CCDC91: variants seen among roughly 807,000 people sequenced by gnomAD.
CCDC91 encodes the protein coiled-coil domain containing 91, also known as coiled-coil domain-containing protein 91.
In CCDC91, 48 loss-of-function variants were observed where a neutral mutation model predicts 63.2. The ratio of observed to expected loss-of-function variants is 0.76; its 90% CI spans 0.60 to 0.97. CCDC91 has a LOEUF of 0.97. Ranked by LOEUF, CCDC91 falls within the 50% of genes least tolerant of loss-of-function variation. The pLI is 0.00. For missense variants in CCDC91, 500 were observed against 494.6 expected, an observed-to-expected ratio of 1.01 and a Z score of -0.10; for synonymous variants, 167 against 165.8, an observed-to-expected ratio of 1.01 and a Z score of -0.06.
At chr12:28,433,100 T>C (rs1279068038) in intron 8 of CCDC91, among the ~76,000 whole-genome samples, 1 of 152,028 alleles carries the variant, frequency 6.6e-6, no homozygotes, top group East Asian at 1.9e-4. Context: ...GTTTTCTGCA[T>C]GCTTTGGAAA....
At chr12:28,398,592 A>G (rs1184229831) in intron 8 of CCDC91, among the ~76,000 whole-genome samples, 1 of 152,088 alleles carries the variant, frequency 6.6e-6, no homozygotes, top group Non-Finnish European at 1.5e-5. Context: ...AACTGCCAAA[A>G]TTTTTTCCAA....
intron 3 of CCDC91, among the ~76,000 whole-genome samples, chr12:28,275,178 G>A (rs1240384717): frequency 6.6e-6 from 1 of 152,088 alleles, no homozygotes; most frequent in East Asian, 1.9e-4. Context: ...AATGAATCCA[G>A]GAGCTGGTTT....
chr12:28,380,694 C>T (rs1414045603), intron 7 of CCDC91, among the ~76,000 whole-genome samples: 1 of 151,986 alleles, frequency 6.6e-6, no homozygotes, highest in Non-Finnish European at 1.5e-5. Flanking sequence ...TTTCTATCTT[C>T]AGTAATAATG....
intron 12 of CCDC91, among the ~76,000 whole-genome samples, chr12:28,515,066 A>C (rs777352211): frequency 2.0e-5 from 3 of 151,816 alleles, no homozygotes; most frequent in Non-Finnish European, 4.4e-5. Context: ...CAGTCTGTAG[A>C]TAGGTCAAAT....
At chr12:28,253,085 C>A (rs192794250) in intron 1 of CCDC91, among the ~76,000 whole-genome samples, 134 of 152,282 alleles carry the variant, frequency 8.8e-4, no homozygotes, top group African/African-American at 3.2e-3. Context: ...TTATGCTGTT[C>A]TGCCTGTTAT....
At chr12:28,419,347 A>T (rs1472914125) in intron 8 of CCDC91, among the ~76,000 whole-genome samples, 1 of 152,190 alleles carries the variant, frequency 6.6e-6, no homozygotes, top group Non-Finnish European at 1.5e-5. Flanking sequence ...CATAACTATC[A>T]TGACGGTAAA....
chr12:28,195,144 T>C (rs1941654049), intron 1 of CCDC91, among the ~76,000 whole-genome samples: 1 of 89,280 alleles, frequency 1.1e-5, no homozygotes, highest in Non-Finnish European at 2.8e-5. Flanking sequence ...TACAGAGTGC[T>C]GATTGGTCCG....
Position 28,289,378 on chromosome 12 carries a change from G to A in CCDC91, c.110-16271G>A, listed in dbSNP as rs181828089. Among the ~76,000 whole-genome samples, 355 of 152,144 alleles carry A rather than the reference G, an allele frequency of 2.3e-3. 2 individuals are homozygous for A. Among genetic ancestry groups the A allele is most frequent in the African/African-American group, 8.1e-3 (336 of 41,546 alleles). On this transcript the variant is annotated intron_variant, in intron 3 of 12. Coordinates refer to ENST00000536442, the MANE Select transcript of CCDC91 (RefSeq NM_018318.5). Reference sequence around the variant, plus strand: ...TGTGTCCCAGGGATTCTGGTATGTTGTATCTTTGTTCTCATTAGTTTCAAA... The same window carrying A: ...TGTGTCCCAGGGATTCTGGTATGTTATATCTTTGTTCTCATTAGTTTCAAA...
chr12:28,306,866 A>T lies in CCDC91; in HGVS notation c.392A>T (p.Asn131Ile). The change falls in exon 5 of 13, where the codon AAC becomes ATC. Residue 131 changes from asparagine to isoleucine, a missense_variant. Physicochemically the swap from Asn to Ile is moderately radical, Grantham distance 149. Coordinates refer to ENST00000536442, the MANE Select transcript of CCDC91 (RefSeq NM_018318.5). ...DSEDPGANVS[N>I]IQLQQKISSL... ...GAGGATCCTGGAGCCAATGTATCTA[A>T]CATACAGCTTCAGCAAAAAATTTCA... 6.2e-7 allele frequency: 1 copy of T among 1,612,314 alleles called. No homozygotes were observed. The highest frequency in any genetic ancestry group is 8.5e-7 in the Non-Finnish European group (1 of 1,178,768).
intron 11 of CCDC91, among the ~76,000 whole-genome samples, chr12:28,458,808 A>T (rs781114391): frequency 1.6e-4 from 25 of 152,034 alleles, no homozygotes; most frequent in Admixed American, 5.2e-4. Context: ...CAAACCTGTT[A>T]TCTTTGTCTC....
At chr12:28,374,944 A>G (rs1944852041) in intron 7 of CCDC91, among the ~76,000 whole-genome samples, 1 of 152,080 alleles carries the variant, frequency 6.6e-6, no homozygotes, top group Admixed American at 6.6e-5. Context: ...GTGATTTTAT[A>G]TAATAATTTA....
At chr12:28,215,359 T>G (rs1943496306) in intron 1 of CCDC91, among the ~76,000 whole-genome samples, 1 of 152,202 alleles carries the variant, frequency 6.6e-6, no homozygotes, top group African/African-American at 2.4e-5. Context: ...TTTATTTATA[T>G]ACACACATAT....
At position 28,417,620 on chromosome 12, in the gene CCDC91, G is replaced by GATATAT. The variant is rs34996637; in HGVS notation, c.762+26225_762+26230dup. The stretch of plus-strand genomic sequence containing the variant: ...TAAGCTGTACAACGTGAACCTTTGA[G>GATATAT]ATATATATATATATATATATACACA... On this transcript the variant is annotated intron_variant, in intron 8 of 12. Coordinates refer to ENST00000536442, the MANE Select transcript of CCDC91 (RefSeq NM_018318.5). Among the ~76,000 whole-genome samples the GATATAT allele has an allele frequency of 8.7e-3, 1,210 of 139,786 alleles. 9 individuals carry two copies. Among genetic ancestry groups the GATATAT allele is most frequent in the Non-Finnish European group, 0.013 (792 of 62,292 alleles). The allele number at this position is 139,786 out of a possible 152,430, so 91.7% of individuals were successfully genotyped here.
intron 1 of CCDC91, chr12:28,255,733 C>T (rs887017973): frequency 6.6e-6 from 1 of 152,098 alleles, no homozygotes; most frequent in African/African-American, 2.4e-5. Context: ...CAATATGTTT[C>T]TGTCTAAATA....
At position 28,447,695 on chromosome 12, in the gene CCDC91, T is replaced by G. The variant is rs376094807; in HGVS notation, c.763-2466T>G. ...GAGGATGAAGGAAGGAAGGAAGGAA[T>G]GAATAAAGAAGAATGGGAAGGGCAG... is the stretch of plus-strand genomic sequence containing the variant. On this transcript the variant is annotated intron_variant, in intron 8 of 12. Coordinates refer to ENST00000536442, the MANE Select transcript of CCDC91 (RefSeq NM_018318.5). Among the ~76,000 whole-genome samples, 62 of 121,998 alleles carry G rather than the reference T, an allele frequency of 5.1e-4. 1 individual carries two copies. Among genetic ancestry groups the G allele is most frequent in the African/African-American group, 8.9e-4 (28 of 31,392 alleles). The allele number at this position is 121,998 out of a possible 152,430, so 80.0% of individuals were successfully genotyped here.
intron 8 of CCDC91, among the ~76,000 whole-genome samples, chr12:28,442,822 A>G (rs888191013): frequency 6.6e-6 from 1 of 152,042 alleles, no homozygotes; most frequent in Non-Finnish European, 1.5e-5. Flanking sequence ...AAAGTATTTT[A>G]TGATCAAATG....
chr12:28,479,631 AT>A (rs773468929), intron 11 of CCDC91, among the ~76,000 whole-genome samples: 21 of 152,050 alleles, frequency 1.4e-4, no homozygotes, highest in Admixed American at 3.9e-4. Flanking sequence ...TATAAAAAAA[AT>A]AAATGAAACT....
chr12:28,239,607 A>G (rs563356277), intron 1 of CCDC91, among the ~76,000 whole-genome samples: 42 of 152,284 alleles, frequency 2.8e-4, no homozygotes, highest in Non-Finnish European at 5.0e-4. Flanking sequence ...TATGCTAGGA[A>G]ATATAATAAA....
intron 1 of CCDC91, among the ~76,000 whole-genome samples, chr12:28,250,100 T>G (rs1367728134): frequency 1.3e-5 from 2 of 152,012 alleles, no homozygotes; most frequent in Non-Finnish European, 2.9e-5. Context: ...AAGATTGCTA[T>G]TAAGGAGTTG....
Sources: allele counts gnomAD v4.1 joint callset (sites outside exome capture counted in the v4.1 genomes callset), GRCh38; gene constraint gnomAD v4.1.1; transcripts MANE v1.5; gene names NCBI Gene and HGNC (gene_info 2026-07-23, HGNC 2026-07-21).